The following LANCL2 variants were observed in gnomAD, a reference collection of about 807,000 sequenced individuals.
LANCL2 encodes lanC-like protein 2.
Under a neutral mutation model 56.9 loss-of-function variants are expected in LANCL2, and 33 were observed. That is an observed-to-expected ratio of 0.58 (90% CI 0.44 to 0.78). LANCL2 has a LOEUF of 0.78. Ranked by LOEUF, LANCL2 falls within the 30% of genes least tolerant of loss-of-function variation. The probability of loss-of-function intolerance (pLI) is 0.00; values close to 1 mark genes in which losing one functional copy is unlikely to be tolerated. For missense variants in LANCL2, 562 were observed against 580.2 expected (o/e 0.97, Z 0.32); for synonymous variants, 233 against 228.2 (o/e 1.02, Z -0.19).
chr7:55,414,755 G>A (rs564453022), intron 6 of LANCL2, among the ~76,000 whole-genome samples: 3 of 152,010 alleles, frequency 2.0e-5, no homozygotes, highest in African/African-American at 7.2e-5. Flanking sequence ...CAAGGCAGGA[G>A]GGTTGCTTGA....
intron 6 of LANCL2, among the ~76,000 whole-genome samples, chr7:55,415,883 G>A (rs754761109): frequency 1.1e-4 from 16 of 152,056 alleles, no homozygotes; most frequent in Non-Finnish European, 2.1e-4. Flanking sequence ...CAAAACTGCT[G>A]GGATTACGGG....
In LANCL2 at chr7:55,366,017, G is replaced by A. The variant is rs1242951087; in HGVS notation, c.-9G>A. ...TTTGTCCCCGCCCGCGCGCCGTACC[G>A]CGGCGGAGATGGGCGAGACCATGTC... On this transcript the variant is annotated 5_prime_UTR_variant, in exon 1 of 9. Transcript: ENST00000254770. 2 of 1,435,096 alleles carry A rather than the reference G, an allele frequency of 1.4e-6. No homozygotes were observed. The highest frequency in any genetic ancestry group is 1.4e-5 in the South Asian group (1 of 71,072). 88.9% of individuals were successfully genotyped at this position (1,435,096 alleles called of 1,614,324 possible).
rs1327025111 is a variant in LANCL2, at chr7:55,433,517, G to A, written c.*2197G>A. 6.6e-6 allele frequency: 1 copy of A among 152,236 alleles called. No homozygotes were observed. Among genetic ancestry groups the A allele is most frequent in the Non-Finnish European group, 1.5e-5 (1 of 68,046 alleles). The allele number at this position is 152,236 out of a possible 1,614,324, so 9.4% of individuals were successfully genotyped here. A position where few individuals can be genotyped will look rare whatever the true frequency, so the allele number is the denominator to read the frequency against. ...TACTTCACAGGACAGAGGATTGACA[G>A]AAGTCAGTTTAAGATAAGTGTTTGA... is the stretch of plus-strand genomic sequence containing the variant. On this transcript the variant is annotated 3_prime_UTR_variant, in exon 9 of 9. Transcript: ENST00000254770.
In LANCL2 at chr7:55,415,621, C is replaced by CTTTTTTTT. The variant is rs71031852; in HGVS notation, c.1008+3533_1008+3540dup. Reference sequence around the variant, plus strand: ...CCATAGTTTATCATTGTTTTTCTTTCTTTTTTTTGAGACACAGTGTCGCTC... The same window carrying CTTTTTTTT: ...CCATAGTTTATCATTGTTTTTCTTTCTTTTTTTTTTTTTTTTGAGACACAGTGTCGCTC... On this transcript the variant is annotated intron_variant, in intron 6 of 8. Transcript: ENST00000254770. 4.3e-4 allele frequency among the ~76,000 whole-genome samples: 48 copies of CTTTTTTTT among 111,802 alleles called. 1 individual carries two copies. The highest frequency in any genetic ancestry group is 1.5e-3 in the African/African-American group (46 of 31,632). The allele number at this position is 111,802 out of a possible 152,430, so 73.3% of individuals were successfully genotyped here. A position where few individuals can be genotyped will look rare whatever the true frequency, so the allele number is the denominator to read the frequency against.
At chr7:55,400,227 AAAGT>A in intron 4 of LANCL2, 123 bp downstream of exon 4, 1 of 777,314 alleles carries the variant, frequency 1.3e-6, no homozygotes, top group Non-Finnish European at 1.9e-6. Context: ...CAACTCATCA[AAAGT>A]AAGAAATAGT....
At chr7:55,372,781 T>A (rs1047981004) in intron 1 of LANCL2, among the ~76,000 whole-genome samples, 11 of 152,256 alleles carry the variant, frequency 7.2e-5, no homozygotes, top group Non-Finnish European at 1.5e-4. Flanking sequence ...CTACTTTTTT[T>A]GCTCTTTAAA....
rs1024299619 is a variant in LANCL2 at position 55,365,680 on chromosome 7, C to A, written c.-346C>A. 74 of 200,606 alleles carry A rather than the reference C, an allele frequency of 3.7e-4. No individual in the cohort carries two copies. The highest frequency in any genetic ancestry group is 1.7e-3 in the African/African-American group (72 of 43,546). The allele number at this position is 200,606 out of a possible 1,614,324, so 12.4% of individuals were successfully genotyped here. On this transcript the variant is annotated 5_prime_UTR_variant, in exon 1 of 9. Transcript: ENST00000254770. ...GGACTCCAGCCCCGGCCGTGCGCGTCGCCGCGGACGGGCTCTGCGGGCCAC... is the reference window on the plus strand; with the variant it reads ...GGACTCCAGCCCCGGCCGTGCGCGTAGCCGCGGACGGGCTCTGCGGGCCAC...
At chr7:55,373,256 T>C (rs1421885013) in intron 1 of LANCL2, among the ~76,000 whole-genome samples, 1 of 151,340 alleles carries the variant, frequency 6.6e-6, no homozygotes, top group African/African-American at 2.4e-5. Context: ...ACTTGAGTTA[T>C]TATTTTTTAA....
chr7:55,396,233 C>T (rs1185153602), intron 2 of LANCL2, among the ~76,000 whole-genome samples: 1 of 151,566 alleles, frequency 6.6e-6, no homozygotes. Flanking sequence ...AACTTTACCT[C>T]TAGGAGCTCC....
At chr7:55,390,792 C>T (rs1206820906) in intron 1 of LANCL2, among the ~76,000 whole-genome samples, 1 of 147,986 alleles carries the variant, frequency 6.8e-6, no homozygotes, top group African/African-American at 2.5e-5. Context: ...AAAAAAAAAT[C>T]AGCAAAGGTA....
Position 55,365,858 on chromosome 7 carries a change from G to A in LANCL2, c.-168G>A, listed in dbSNP as rs1186634559. On this transcript the variant is annotated 5_prime_UTR_variant, in exon 1 of 9. Transcript: ENST00000254770. ...CGGCCGCCTGATGTGCGAGCAGCCC[G>A]CGACGAGGCAGTGCACGCTCAGACG... 6.2e-6 allele frequency: 3 copies of A among 481,358 alleles called. No individual in the cohort carries two copies. The highest frequency in any genetic ancestry group is 7.1e-5 in the East Asian group (2 of 28,260). 29.8% of individuals were successfully genotyped at this position (481,358 alleles called of 1,614,324 possible). A position where few individuals can be genotyped will look rare whatever the true frequency, so the allele number is the denominator to read the frequency against.
intron 7 of LANCL2, among the ~76,000 whole-genome samples, chr7:55,427,461 A>G (rs908017139): frequency 3.3e-5 from 5 of 152,250 alleles, no homozygotes; most frequent in East Asian, 1.9e-4. Flanking sequence ...AATGCAAGAA[A>G]TGTTGAGTCA....
intron 1 of LANCL2, among the ~76,000 whole-genome samples, chr7:55,383,504 T>C (rs1007172626): frequency 3.3e-5 from 5 of 152,196 alleles, no homozygotes; most frequent in South Asian, 2.1e-4. Flanking sequence ...GGTGGAGATA[T>C]CTGGGGGTGG....
At chr7:55,380,057 T>TAG (rs1790049302) in intron 1 of LANCL2, among the ~76,000 whole-genome samples, 1 of 152,250 alleles carries the variant, frequency 6.6e-6, no homozygotes, top group African/African-American at 2.4e-5. Context: ...GGAATTATCG[T>TAG]AATTTACTTA....
intron 5 of LANCL2, among the ~76,000 whole-genome samples, chr7:55,409,671 A>G (rs1382027711): frequency 6.6e-6 from 1 of 152,204 alleles, no homozygotes; most frequent in Non-Finnish European, 1.5e-5. Context: ...GCAGTGTCAC[A>G]GAAGACCTGG....
Position 55,366,875 on chromosome 7 carries a change from G to A in LANCL2, c.204+646G>A, listed in dbSNP as rs189176584. Among the ~76,000 whole-genome samples, 47 of 152,322 alleles carry A rather than the reference G, an allele frequency of 3.1e-4. No homozygotes were observed. In the East Asian group the frequency reaches 8.9e-3, roughly 29 times the overall value. The stretch of plus-strand genomic sequence containing the variant: ...TTTTGTGCTAGGCAGAACCAAGAGC[G>A]GCAGCTGTGGGAGAGTAAAGTGTGC... On this transcript the variant is annotated intron_variant, in intron 1 of 8. Coordinates refer to ENST00000254770, the MANE Select transcript of LANCL2 (RefSeq NM_018697.4).
At chr7:55,382,712 C>G (rs991207142) in intron 1 of LANCL2, among the ~76,000 whole-genome samples, 3 of 152,142 alleles carry the variant, frequency 2.0e-5, no homozygotes, top group Non-Finnish European at 4.4e-5. Flanking sequence ...ATGGCACCAG[C>G]TGGTGCATCA....
At chr7:55,391,142 G>A (rs1053361491) in intron 1 of LANCL2, among the ~76,000 whole-genome samples, 7 of 149,140 alleles carry the variant, frequency 4.7e-5, no homozygotes, top group Admixed American at 2.7e-4. Flanking sequence ...TCAGCCTCCC[G>A]CGTAGCTGGG....
intron 6 of LANCL2, among the ~76,000 whole-genome samples, chr7:55,423,017 A>G (rs1790625138): frequency 6.6e-6 from 1 of 152,148 alleles, no homozygotes; most frequent in South Asian, 2.1e-4. Context: ...CTGTCTTTTC[A>G]CACTTTCTGT....
Sources: allele counts gnomAD v4.1 joint callset (sites outside exome capture counted in the v4.1 genomes callset), GRCh38; gene constraint gnomAD v4.1.1; transcripts MANE v1.5; gene names NCBI Gene and HGNC (gene_info 2026-07-23, HGNC 2026-07-21).